The following A2ML1 variants were observed in gnomAD, a reference collection of about 807,000 sequenced individuals.
A2ML1 encodes the protein alpha-2-macroglobulin like 1, also known as alpha-2-macroglobulin-like protein 1.
In A2ML1, 161 loss-of-function variants were observed where a neutral mutation model predicts 181.9. That is an observed-to-expected ratio of 0.89 (90% CI 0.78 to 1.01). The LOEUF is 1.01. Among genes scored for constraint, A2ML1 ranks in the 50% least tolerant of loss-of-function variants. The probability of loss-of-function intolerance (pLI) is 0.00; values close to 1 mark genes in which losing one functional copy is unlikely to be tolerated. For synonymous variants in A2ML1, 663 were observed against 666.8 expected, an observed-to-expected ratio of 0.99 and a Z score of 0.09; for missense variants, 1,670 against 1,768.1, an observed-to-expected ratio of 0.94 and a Z score of 1.00.
At chr12:8,827,621 T>G (rs1032711810) in intron 3 of A2ML1, among the ~76,000 whole-genome samples, 2 of 152,214 alleles carry the variant, frequency 1.3e-5, no homozygotes, top group African/African-American at 4.8e-5. Flanking sequence ...TTAGTTCATC[T>G]GGTGAGGTAA....
chr12:8,863,400 C>T (rs77343213), intron 28 of A2ML1, among the ~76,000 whole-genome samples: 34,348 of 152,074 alleles, frequency 0.23, 4,034 homozygotes, highest in African/African-American at 0.27. Context: ...CCACCGCACC[C>T]GGCCTAAATC....
chr12:8,878,665 G>T (rs1356238284), downstream of A2ML1, among the ~76,000 whole-genome samples: 2 of 152,058 alleles, frequency 1.3e-5, no homozygotes, highest in African/African-American at 4.8e-5. The surrounding 1 kb of genome is among the most constrained non-coding windows in gnomAD (Gnocchi z 4.4). Context: ...TGTATCTCCT[G>T]AATTTAAAAT....
intron 15 of A2ML1, 120 bp downstream of exon 15, chr12:8,847,818 A>G: frequency 2.3e-6 from 3 of 1,317,788 alleles, no homozygotes; most frequent in South Asian, 1.5e-5. Context: ...ATAAGGCGGT[A>G]AAAAGGCTGG....
chr12:8,857,869 C>A (rs1944123364), intron 25 of A2ML1, 77 bp from the exon 26 acceptor site: 1 of 1,564,392 alleles, frequency 6.4e-7, no homozygotes, highest in Non-Finnish European at 8.7e-7. Context: ...AAGTATACAC[C>A]CAAATAAATG....
chr12:8,876,988 G>T (rs1356629763), downstream of A2ML1, among the ~76,000 whole-genome samples: 1 of 152,128 alleles, frequency 6.6e-6, no homozygotes, highest in Non-Finnish European at 1.5e-5. Context: ...GCCCGCTACT[G>T]CAGGGCAAAC....
At chr12:8,868,755 T>C (rs1316478519) in intron 32 of A2ML1, 128 bp downstream of exon 32, 3 of 687,352 alleles carry the variant, frequency 4.4e-6, no homozygotes, top group African/African-American at 3.6e-5. Context: ...TATACATACA[T>C]ATATATGTAT....
At chr12:8,868,103 C>A in intron 30 of A2ML1, 46 bp downstream of exon 30, 1 of 1,608,464 alleles carries the variant, frequency 6.2e-7, no homozygotes, top group South Asian at 1.1e-5. Flanking sequence ...GAAGGAGAGT[C>A]GGAGAGCATC....
At chr12:8,872,984 T>C (rs1944679350) in intron 33 of A2ML1, among the ~76,000 whole-genome samples, 1 of 152,170 alleles carries the variant, frequency 6.6e-6, no homozygotes, top group Non-Finnish European at 1.5e-5. Flanking sequence ...ATACTTGTTT[T>C]GTTTTTTATT....
chr12:8,824,721 A>AT (rs1313322354), intron 3 of A2ML1, among the ~76,000 whole-genome samples: 17 of 148,064 alleles, frequency 1.1e-4, no homozygotes, highest in Non-Finnish European at 1.5e-5. Context: ...TTTCAAAAAA[A>AT]TTTTTTTCCT....
chr12:8,842,458 A>G (rs1456091559), intron 11 of A2ML1, among the ~76,000 whole-genome samples: 9 of 151,980 alleles, frequency 5.9e-5, no homozygotes, highest in Non-Finnish European at 1.2e-4. Flanking sequence ...TGACCTCGTG[A>G]TCCGCCCGCC....
At position 8,883,634 on chromosome 12, in the gene A2ML1, C is replaced by T. The variant is rs142292203; in HGVS notation, c.*95-2873C>T. On this transcript the variant is annotated intron_variant and NMD_transcript_variant, in intron 7 of 7. Coordinates refer to the A2ML1 transcript ENST00000537475. ...CTGGGATTACAGGTGCCCACCACCACGCCTGGCTAATTTTTGTATTTTTAC... is the reference window on the plus strand; with the variant it reads ...CTGGGATTACAGGTGCCCACCACCATGCCTGGCTAATTTTTGTATTTTTAC... Among the ~76,000 whole-genome samples, 1,169 of 151,882 alleles carry T rather than the reference C, an allele frequency of 7.7e-3. 12 individuals carry two copies. Among genetic ancestry groups the T allele is most frequent in the African/African-American group, 0.027 (1,120 of 41,378 alleles).
At chr12:8,824,377 G>A (rs1207023471) in intron 3 of A2ML1, among the ~76,000 whole-genome samples, 1 of 151,526 alleles carries the variant, frequency 6.6e-6, no homozygotes, top group Non-Finnish European at 1.5e-5. Context: ...CATAGCTGGT[G>A]TATATATATT....
At position 8,835,649 on chromosome 12, in the gene A2ML1, T is replaced by C. The variant is rs754107496; in HGVS notation, c.626T>C (p.Phe209Ser). ...AVAEGKTFGT[F>S]SVEEYVLPKF... ...GCTGAGGGCAAGACCTTTGGTACTT[T>C]CAGTGTGGAGGAATATGGTAGGTGG... Residue 209 changes from phenylalanine (F) to serine (S), a missense_variant, in exon 6 of 36, where the codon TTC becomes TCC. Phe to Ser is a radical substitution (Grantham distance 155, BLOSUM62 -2). Coordinates refer to ENST00000299698, the MANE Select transcript of A2ML1 (RefSeq NM_144670.6). 1 of 1,614,122 alleles carries C rather than the reference T, an allele frequency of 6.2e-7. No individual in the cohort carries two copies. The highest frequency in any genetic ancestry group is 1.7e-5 in the Admixed American group (1 of 60,030).
downstream of A2ML1, among the ~76,000 whole-genome samples, chr12:8,881,601 T>C (rs1220873676): frequency 6.6e-6 from 1 of 152,224 alleles, no homozygotes; most frequent in South Asian, 2.1e-4. Context: ...ATCCTACTTA[T>C]GCCAAAGTGG....
In A2ML1 at chr12:8,854,255, T is replaced by C; in HGVS notation, c.2712+6T>C. On this transcript the variant is annotated splice_donor_region_variant and intron_variant, in intron 21 of 35. Coordinates refer to ENST00000299698, the MANE Select transcript of A2ML1 (RefSeq NM_144670.6). ...TCAAGCCAGTTCTCGTCAAAGTGAGTTTTCTTCAGAGGTAGAGACAGCAAC... is the reference window on the plus strand; with the variant it reads ...TCAAGCCAGTTCTCGTCAAAGTGAGCTTTCTTCAGAGGTAGAGACAGCAAC... 6.3e-7 allele frequency: 1 copy of C among 1,589,884 alleles called. No individual in the cohort carries two copies. Among genetic ancestry groups the C allele is most frequent in the Admixed American group, 1.8e-5 (1 of 56,850 alleles).
chr12:8,823,656 G>A (rs1942822763), intron 2 of A2ML1, 64 bp from the exon 3 acceptor site: 3 of 1,552,840 alleles, frequency 1.9e-6, no homozygotes, highest in African/African-American at 1.4e-5. Flanking sequence ...CTGTTGGGTT[G>A]AGACCAGTTG....
Position 8,883,930 on chromosome 12 carries a change from C to T in A2ML1, c.*95-2577C>T, listed in dbSNP as rs747369260. Among the ~76,000 whole-genome samples, 1,511 of 151,330 alleles carry T rather than the reference C, an allele frequency of 1.0e-2. 26 individuals are homozygous for T. Among genetic ancestry groups the T allele is most frequent in the African/African-American group, 0.035 (1,439 of 41,158 alleles). ...CCTCCCCAGTAGCTGAGACTACAGG[C>T]GCCCGCCAACACGCCTGGCTAATTT... On this transcript the variant is annotated intron_variant and NMD_transcript_variant, in intron 7 of 7. Transcript: ENST00000537475.
At chr12:8,868,871 T>C (rs913709687) in intron 32 of A2ML1, among the ~76,000 whole-genome samples, 5 of 152,156 alleles carry the variant, frequency 3.3e-5, no homozygotes, top group African/African-American at 1.2e-4. Flanking sequence ...TATGTAGGTA[T>C]ATATACATGT....
chr12:8,855,034 A>G (rs1944016487), intron 22 of A2ML1, among the ~76,000 whole-genome samples: 1 of 151,814 alleles, frequency 6.6e-6, no homozygotes, highest in Admixed American at 6.6e-5. Context: ...AGCTGGGACT[A>G]CAGGTACATG....
Sources: gnomAD v4.1 joint callset for allele counts (sites outside exome capture counted in the v4.1 genomes callset) on GRCh38, gnomAD v4.1.1 for gene constraint, Gnocchi (gnomAD v3.1) non-coding constraint, MANE v1.5 for transcripts, NCBI Gene and HGNC (gene_info 2026-07-23, HGNC 2026-07-21) for gene names.